ATG3: variants seen among roughly 807,000 people sequenced by gnomAD.
The protein encoded by ATG3 is ubiquitin-like-conjugating enzyme ATG3.
ATG3 carries 25 observed loss-of-function variants against 50.7 expected under a neutral mutation model. That is an observed-to-expected ratio of 0.49 (90% CI 0.36 to 0.69). The LOEUF (loss-of-function observed/expected upper bound fraction) is 0.69, where lower values mean the gene tolerates loss of function less well. Among genes scored for constraint, ATG3 ranks in the 30% least tolerant of loss-of-function variants. ATG3 has a pLI of 0.00. For missense variants in ATG3, 281 were observed against 376.0 expected (o/e 0.75, Z 2.09); for synonymous variants, 119 against 125.5 (o/e 0.95, Z 0.34).
chr3:112,532,975 C>T, intron 11 of ATG3, 195 bp from the exon 12 acceptor site: 1 of 1,220,474 alleles, frequency 8.2e-7, no homozygotes, highest in Non-Finnish European at 1.0e-6. Context: ...TACCTGACCA[C>T]TCATTCGATT....
intron 2 of ATG3, among the ~76,000 whole-genome samples, chr3:112,553,632 T>C (rs1302944803): frequency 6.6e-6 from 1 of 152,214 alleles, no homozygotes; most frequent in African/African-American, 2.4e-5. Context: ...AAAAGCAGTA[T>C]AATGAAATTG....
chr3:112,556,835 G>C (rs1256111460), intron 2 of ATG3, among the ~76,000 whole-genome samples: 7 of 151,726 alleles, frequency 4.6e-5, no homozygotes, highest in Non-Finnish European at 8.8e-5. Context: ...CAGCATGCTC[G>C]TTAAGAGTCA....
Position 112,536,559 on chromosome 3 carries a change from C to G in ATG3, c.710G>C (p.Ser237Thr). ...LTVEHMYEDISQDHVKKTVTI... is the reference protein window; with the variant it reads ...LTVEHMYEDITQDHVKKTVTI... ...CACTGTTTTCTTCACATGATCCTGA[C>G]TGATGTCTTCATACATGTGCTCAAC... The change falls in exon 10 of 12, where the codon AGT becomes ACT. Residue 237 changes from serine (S) to threonine (T), a missense_variant. This residue lies in a region of ATG3 where 242 missense variants were observed against 305.0 expected (regional missense o/e 0.79). Transcript: ENST00000283290. The G allele has an allele frequency of 6.2e-7, 1 of 1,614,072 alleles. No individual in the cohort carries two copies. The highest frequency in any genetic ancestry group is 2.2e-5 in the East Asian group (1 of 44,882).
At position 112,537,870 on chromosome 3, in the gene ATG3, T is replaced by G; in HGVS notation, c.531A>C (p.Lys177Asn). 6.2e-7 allele frequency: 1 copy of G among 1,610,436 alleles called. No individual in the cohort carries two copies. Among genetic ancestry groups the G allele is most frequent in the Non-Finnish European group, 8.5e-7 (1 of 1,178,994 alleles). ...TTTTGGCTTTACAAGCTTCTACTATTTTCCTTGTATCTAGGGTAGCCTGAA... is the reference window on the plus strand; with the variant it reads ...TTTTGGCTTTACAAGCTTCTACTATGTTCCTTGTATCTAGGGTAGCCTGAA... ...ETDEATLDTR[K>N]IVEACKAKTD... Residue 177 changes from lysine (K) to asparagine (N), a missense_variant, in exon 9 of 12, where the codon AAA becomes AAC. Physicochemically the swap from Lys to Asn is moderately conservative, Grantham distance 94 (BLOSUM62 0). Around this residue, in one of 3 missense-constraint regions of ATG3, gnomAD observed 242 missense variants for 305.0 expected, o/e 0.79. Transcript: ENST00000283290.
chr3:112,553,213 G>T, intron 3 of ATG3, 67 bp downstream of exon 3: 1 of 1,341,666 alleles, frequency 7.5e-7, no homozygotes, highest in South Asian at 1.2e-5. Context: ...AACCTATTTT[G>T]CAAATTGCTA....
chr3:112,550,079 C>T (rs1164127991), intron 4 of ATG3, 113 bp downstream of exon 4: 1 of 666,328 alleles, frequency 1.5e-6, no homozygotes, highest in Non-Finnish European at 2.5e-6. Context: ...AAAGAAATAA[C>T]AGAAAGAGGT....
intron 2 of ATG3, among the ~76,000 whole-genome samples, chr3:112,557,386 G>T (rs1282311270): frequency 6.6e-6 from 1 of 151,644 alleles, no homozygotes; most frequent in African/African-American, 2.4e-5. Context: ...CTGTAATCCC[G>T]AGGCAGGCGG....
rs200078476 is a variant in ATG3 at position 112,536,455 on chromosome 3, T to A, written c.794+20A>T. On this transcript the variant is annotated intron_variant, in intron 10 of 11. Transcript: ENST00000283290. The stretch of plus-strand genomic sequence containing the variant: ...TATACAATCACATCAAAAAATATAT[T>A]TATCTCTACATATACAGACCTGCAT... 3.1e-6 allele frequency: 5 copies of A among 1,608,320 alleles called. No individual in the cohort carries two copies. The East Asian group carries it at 1.1e-4, about 36-fold the overall frequency.
At position 112,548,421 on chromosome 3, in the gene ATG3, A is replaced by C. The variant is rs529567777; in HGVS notation, c.343+112T>G. ...CCTCCTGCTTTTTTCATGTAAGTCT[A>C]TTGGGACAAAACTATGCCTTATGTA... On this transcript the variant is annotated intron_variant, in intron 5 of 11. Transcript: ENST00000283290. 3 of 916,488 alleles carry C rather than the reference A, an allele frequency of 3.3e-6. No homozygotes were observed. In the South Asian group the frequency reaches 4.9e-5, roughly 15 times the overall value. 56.8% of individuals were successfully genotyped at this position (916,488 alleles called of 1,614,324 possible).
chr3:112,561,633 C>T lies in ATG3; in HGVS notation c.-105G>A, dbSNP rs937270107. 1.3e-5 allele frequency: 16 copies of T among 1,215,160 alleles called. No individual in the cohort carries two copies. In the Admixed American group the frequency reaches 2.4e-4, roughly 18 times the overall value. The allele number at this position is 1,215,160 out of a possible 1,614,324, so 75.3% of individuals were successfully genotyped here. A position where few individuals can be genotyped will look rare whatever the true frequency, so the allele number is the denominator to read the frequency against. On this transcript the variant is annotated 5_prime_UTR_variant, in exon 1 of 12. Coordinates refer to ENST00000283290, the MANE Select transcript of ATG3 (RefSeq NM_022488.5). ...CCTCGCTGCCACCGACTCGCATCAG[C>T]ACCCGGCTGGCAGCACCCGAGGGGA...
In ATG3 at chr3:112,536,532, G is replaced by C; in HGVS notation, c.737C>G (p.Thr246Ser). The change falls in exon 10 of 12, where the codon ACC (threonine) becomes AGC (serine). Residue 246 changes from threonine to serine, a missense_variant. Transcript: ENST00000283290. ...ISQDHVKKTV[T>S]IENHPHLPPP... ...TGGCAGATGAGGGTGATTTTCAATGGTCACTGTTTTCTTCACATGATCCTG... is the reference window on the plus strand; with the variant it reads ...TGGCAGATGAGGGTGATTTTCAATGCTCACTGTTTTCTTCACATGATCCTG... The C allele has an allele frequency of 6.2e-7, 1 of 1,613,944 alleles. No individual in the cohort carries two copies. Among genetic ancestry groups the C allele is most frequent in the East Asian group, 2.2e-5 (1 of 44,882 alleles).
At position 112,536,451 on chromosome 3, in the gene ATG3, ATATT is replaced by A. The variant is rs1559842134; in HGVS notation, c.794+20_794+23del. On this transcript the variant is annotated intron_variant, in intron 10 of 11. Transcript: ENST00000283290. ...GAAATATACAATCACATCAAAAAAT[ATATT>A]TATCTCTACATATACAGACCTGCAT... 5 of 1,607,166 alleles carry A rather than the reference ATATT, an allele frequency of 3.1e-6. No homozygotes were observed. Among genetic ancestry groups the A allele is most frequent in the African/African-American group, 1.3e-5 (1 of 74,874 alleles).
At chr3:112,560,234 C>G (rs1933814004) in intron 1 of ATG3, among the ~76,000 whole-genome samples, 1 of 152,144 alleles carries the variant, frequency 6.6e-6, no homozygotes, top group Non-Finnish European at 1.5e-5. Flanking sequence ...ATATGATATT[C>G]TGAAAAGTTA....
chr3:112,534,365 T>G (rs1232321269), intron 10 of ATG3, 28 bp from the exon 11 acceptor site: 1 of 1,470,486 alleles, frequency 6.8e-7, no homozygotes, highest in Admixed American at 2.3e-5. Flanking sequence ...AAAAAATTGT[T>G]AATGTAGATC....
Position 112,552,093 on chromosome 3 carries a change from C to G in ATG3, c.164+1187G>C, listed in dbSNP as rs548185088. ...CTAGAAAAACATTATCAATTGGAAA[C>G]TTATTAATTATAGAATTCCTATCCC... is the stretch of plus-strand genomic sequence containing the variant. On this transcript the variant is annotated intron_variant, in intron 3 of 11. Transcript: ENST00000283290. Among the ~76,000 whole-genome samples the G allele has an allele frequency of 2.6e-5, 4 of 151,892 alleles. No homozygotes were observed. In the South Asian group the frequency reaches 8.3e-4, roughly 32 times the overall value.
chr3:112,532,780 C>A lies in ATG3; in HGVS notation c.864G>T (p.Met288Ile). The change falls in exon 12 of 12, where the codon ATG becomes ATT. Residue 288 changes from methionine (M) to isoleucine (I), a missense_variant and splice_region_variant. Physicochemically the swap from Met to Ile is conservative, Grantham distance 10 (BLOSUM62 1). Around this residue, in one of 3 missense-constraint regions of ATG3, gnomAD observed 242 missense variants for 305.0 expected, o/e 0.79. Transcript: ENST00000283290. ...CAAATTTCAAGAAAATAAGAAGATACCTAAAGGTTTTTAGCTAAGGAAAAT... is the reference window on the plus strand; with the variant it reads ...CAAATTTCAAGAAAATAAGAAGATAACTAAAGGTTTTTAGCTAAGGAAAAT... The part of the protein sequence containing the change: ...AEGGGELGVH[M>I]YLLIFLKFVQ... 1 of 1,583,384 alleles carries A rather than the reference C, an allele frequency of 6.3e-7. No homozygotes were observed. Among genetic ancestry groups the A allele is most frequent in the South Asian group, 1.2e-5 (1 of 86,858 alleles).
intron 4 of ATG3, among the ~76,000 whole-genome samples, chr3:112,549,798 C>CA (rs71631400): frequency 0.75 from 87,449 of 116,020 alleles, 34,950 homozygotes; most frequent in Non-Finnish European, 0.9. Flanking sequence ...TCAAAACAAC[C>CA]AAAAAAAAAA....
chr3:112,558,326 T>C, intron 2 of ATG3, 50 bp downstream of exon 2: 2 of 1,383,372 alleles, frequency 1.4e-6, no homozygotes, highest in Non-Finnish European at 2.0e-6. Flanking sequence ...AGCCACCTAG[T>C]TTAGTATTAT....
At chr3:112,550,457 G>A (rs1933498364) in intron 3 of ATG3, among the ~76,000 whole-genome samples, 195 bp from the exon 4 acceptor site, 1 of 152,142 alleles carries the variant, frequency 6.6e-6, no homozygotes, top group Non-Finnish European at 1.5e-5. Flanking sequence ...TAATCTAAGT[G>A]AAACATACTA....
Sources: gnomAD v4.1 joint callset for allele counts (sites outside exome capture counted in the v4.1 genomes callset) on GRCh38, gnomAD v4.1.1 for gene constraint, gnomAD v4.1.1 regional missense constraint, MANE v1.5 for transcripts, NCBI Gene and HGNC (gene_info 2026-07-23, HGNC 2026-07-21) for gene names.